Variants in KMT5A observed in about 807,000 individuals in gnomAD.
KMT5A encodes lysine methyltransferase 5A.
A neutral mutation model predicts 40.6 loss-of-function variants in KMT5A; 6 were observed. The observed-to-expected ratio is 0.15, with a 90% CI of 0.08 to 0.29. KMT5A has a LOEUF of 0.29. Among genes scored for constraint, KMT5A ranks in the 10% least tolerant of loss-of-function variants. The pLI is 1.00. For synonymous variants in KMT5A, 153 were observed against 178.8 expected, an observed-to-expected ratio of 0.86 and a Z score of 1.15; for missense variants, 308 against 459.1, an observed-to-expected ratio of 0.67 and a Z score of 3.01.
chr12:123,390,383 G>T (rs1000455265), intron 2 of KMT5A, among the ~76,000 whole-genome samples: 1 of 152,144 alleles, frequency 6.6e-6, no homozygotes, highest in Non-Finnish European at 1.5e-5. Flanking sequence ...GGTTGCAGCC[G>T]ACTCTCCTGC....
At chr12:123,400,803 GT>G (rs1024425965) in intron 5 of KMT5A, among the ~76,000 whole-genome samples, 3 of 149,010 alleles carry the variant, frequency 2.0e-5, no homozygotes, top group East Asian at 3.9e-4. Context: ...GTTGGTTGAA[GT>G]TTTTTTTTTG....
chr12:123,389,364 G>A lies in KMT5A; in HGVS notation c.11-69G>A, dbSNP rs1877096096. 2.8e-5 allele frequency: 27 copies of A among 973,278 alleles called. 2 individuals carry two copies. In the South Asian group the frequency reaches 1.3e-3, roughly 46 times the overall value. The allele number at this position is 973,278 out of a possible 1,614,324, so 60.3% of individuals were successfully genotyped here. On this transcript the variant is annotated intron_variant, in intron 1 of 7. Transcript: ENST00000402868. ...CGCCGTCGCGGCGCCCGGCCCGGGC[G>A]GCCCCGCTCCCCGCCCCGCCGCGCC...
intron 1 of KMT5A, among the ~76,000 whole-genome samples, chr12:123,387,224 T>C (rs774710131): frequency 6.6e-6 from 1 of 152,182 alleles, no homozygotes; most frequent in African/African-American, 2.4e-5. Flanking sequence ...TTGAATGATC[T>C]GTATTTACAT....
At chr12:123,385,681 G>A (rs543966889) in intron 1 of KMT5A, among the ~76,000 whole-genome samples, 1 of 152,186 alleles carries the variant, frequency 6.6e-6, no homozygotes, top group Non-Finnish European at 1.5e-5. Context: ...GAGAAATCCC[G>A]TCTCTACTAA....
intron 1 of KMT5A, among the ~76,000 whole-genome samples, chr12:123,386,508 G>A (rs552079873): frequency 4.5e-4 from 68 of 152,214 alleles, no homozygotes; most frequent in African/African-American, 1.5e-3. Context: ...AAGCCACCAC[G>A]CCTGGCCAAT....
At chr12:123,394,940 A>C in intron 3 of KMT5A, 107 bp from the exon 4 acceptor site, 2 of 1,082,760 alleles carry the variant, frequency 1.8e-6, no homozygotes, top group Non-Finnish European at 2.7e-6. Context: ...CTGCCTGACA[A>C]ACCCAGGATC....
chr12:123,398,495 G>A (rs1038230429), intron 5 of KMT5A, among the ~76,000 whole-genome samples: 5 of 152,198 alleles, frequency 3.3e-5, no homozygotes, highest in African/African-American at 4.8e-5. Context: ...TGAAGGCTGC[G>A]ATGGGACAGG....
intron 5 of KMT5A, among the ~76,000 whole-genome samples, chr12:123,401,684 C>G (rs546938395): frequency 6.6e-6 from 1 of 152,038 alleles, no homozygotes; most frequent in Admixed American, 6.6e-5. Context: ...TGGGTTCAAG[C>G]GATTCTCCTG....
intron 2 of KMT5A, among the ~76,000 whole-genome samples, chr12:123,389,848 C>T (rs2139161037): frequency 6.6e-6 from 1 of 152,242 alleles, no homozygotes; most frequent in East Asian, 1.9e-4. Flanking sequence ...GGTCACGGGT[C>T]TCACCGCCTC....
At chr12:123,386,573 T>C (rs1876887136) in intron 1 of KMT5A, among the ~76,000 whole-genome samples, 1 of 152,172 alleles carries the variant, frequency 6.6e-6, no homozygotes, top group African/African-American at 2.4e-5. Flanking sequence ...ACAGTCTTTT[T>C]CTTCTAGAAA....
At position 123,384,952 on chromosome 12, in the gene KMT5A, A is replaced by C. The variant is rs1395336948; in HGVS notation, c.10+744A>C. Reference sequence around the variant, plus strand: ...CCAGGTATGCGGCAAAGAGATCTCCAACCGCTTGGTCATTTCCAGCCACTG... The same window carrying C: ...CCAGGTATGCGGCAAAGAGATCTCCCACCGCTTGGTCATTTCCAGCCACTG... On this transcript the variant is annotated intron_variant, in intron 1 of 7. Transcript: ENST00000402868. This position sits in a 1 kb window ranked among gnomAD's most constrained non-coding sequence, Gnocchi z 5.7. Among the ~76,000 whole-genome samples the C allele has an allele frequency of 2.0e-5, 3 of 152,304 alleles. No individual in the cohort carries two copies. Among genetic ancestry groups the C allele is most frequent in the Non-Finnish European group, 2.9e-5 (2 of 68,038 alleles).
intron 6 of KMT5A, among the ~76,000 whole-genome samples, chr12:123,404,598 C>G (rs1223463421): frequency 1.3e-5 from 2 of 152,188 alleles, no homozygotes; most frequent in African/African-American, 2.4e-5. Flanking sequence ...CAGTCTCCAC[C>G]TAGCAGATCT....
chr12:123,390,584 A>C (rs774590075), intron 2 of KMT5A, 46 bp from the exon 3 acceptor site: 4 of 1,602,904 alleles, frequency 2.5e-6, no homozygotes, highest in Non-Finnish European at 2.6e-6. Context: ...ATGCTCTAGG[A>C]TCTTCTTCTT....
chr12:123,389,686 G>A (rs1165472603), intron 2 of KMT5A, 132 bp downstream of exon 2: 6 of 634,510 alleles, frequency 9.5e-6, no homozygotes, highest in Non-Finnish European at 1.2e-5. Flanking sequence ...GGCTGGGAGT[G>A]GCGCCCACAC....
In KMT5A at chr12:123,407,643, G is replaced by A. The variant is rs762765642; in HGVS notation, c.999G>A (p.Leu333=). ...SRDIAAGEEL[L]YDYGDRSKAS... is the part of the protein sequence containing the mutation. ...ACATCGCGGCTGGGGAGGAGCTCCT[G>A]TATGACTATGGGGACCGCAGCAAGG... The change falls in exon 8 of 8, where the codon CTG becomes CTA. Residue 333 remains leucine, a synonymous_variant. Transcript: ENST00000402868. 74 of 1,613,670 alleles carry A rather than the reference G, an allele frequency of 4.6e-5. No homozygotes were observed. Among genetic ancestry groups the A allele is most frequent in the Admixed American group, 8.3e-5 (5 of 59,960 alleles).
At chr12:123,386,928 T>C (rs1016525529) in intron 1 of KMT5A, among the ~76,000 whole-genome samples, 3 of 151,994 alleles carry the variant, frequency 2.0e-5, no homozygotes, top group African/African-American at 7.2e-5. Context: ...CAATCTTGGC[T>C]CACTGCAAAC....
rs1368016388 is a variant in KMT5A at position 123,409,224 on chromosome 12, G to A, written c.*1521G>A. The A allele has an allele frequency of 1.3e-5, 2 of 152,584 alleles. No individual in the cohort carries two copies. The highest frequency in any genetic ancestry group is 4.8e-5 in the African/African-American group (2 of 41,434). 9.5% of individuals were successfully genotyped at this position (152,584 alleles called of 1,614,324 possible). On this transcript the variant is annotated 3_prime_UTR_variant, in exon 8 of 8. Transcript: ENST00000402868. ...AATTGGAAGAGGATCCGATGGGAGT[G>A]TAAATGTGAGACACAATGTCTTGAT... is the stretch of plus-strand genomic sequence containing the variant.
At position 123,408,566 on chromosome 12, in the gene KMT5A, C is replaced by CTTTTTTTTTTTTTTTTTTTTT. The variant is rs57847836; in HGVS notation, c.*883_*884insTTTTTTTTTTTTTTTTTTTTT. On this transcript the variant is annotated 3_prime_UTR_variant, in exon 8 of 8. Coordinates refer to ENST00000402868, the MANE Select transcript of KMT5A (RefSeq NM_020382.7). ...GGTCTTGAAGTGAGTGAAGTGGCTG[C>CTTTTTTTTTTTTTTTTTTTTT]TTTTTTTTTTTTTTTTTTTTGCTTT... 7 of 91,856 alleles carry CTTTTTTTTTTTTTTTTTTTTT rather than the reference C, an allele frequency of 7.6e-5. No individual in the cohort carries two copies. The highest frequency in any genetic ancestry group is 3.6e-4 in the East Asian group (1 of 2,758). 5.7% of individuals were successfully genotyped at this position (91,856 alleles called of 1,614,324 possible). A position where few individuals can be genotyped will look rare whatever the true frequency, so the allele number is the denominator to read the frequency against.
At chr12:123,393,960 C>T (rs28820735) in intron 3 of KMT5A, among the ~76,000 whole-genome samples, 135,454 of 152,140 alleles carry the variant, frequency 0.89, 60,418 homozygotes, top group Middle Eastern at 0.95. Context: ...GTTTTTAATT[C>T]TCTGGAATAG....
Sources: allele counts gnomAD v4.1 joint callset (sites outside exome capture counted in the v4.1 genomes callset), GRCh38; gene constraint gnomAD v4.1.1; non-coding constraint Gnocchi (gnomAD v3.1); transcripts MANE v1.5; gene names NCBI Gene and HGNC (gene_info 2026-07-23, HGNC 2026-07-21).